The following LRIG2 variants were observed in gnomAD, a reference collection of about 807,000 sequenced individuals.
LRIG2 encodes the protein leucine-rich repeats and immunoglobulin-like domains protein 2.
In LRIG2, 93 loss-of-function variants were observed where a neutral mutation model predicts 107.8. The ratio of observed to expected loss-of-function variants is 0.86; its 90% confidence interval spans 0.73 to 1.03. The LOEUF is 1.03. LRIG2 is among the 50% of genes least tolerant of loss of function. The pLI is 0.00. For synonymous variants in LRIG2, 471 were observed against 470.6 expected (o/e 1.00, Z -0.01); for missense variants, 1,226 against 1,296.0 (o/e 0.95, Z 0.83).
chr1:113,084,654 G>T (rs1480498440), intron 1 of LRIG2, among the ~76,000 whole-genome samples: 2 of 151,990 alleles, frequency 1.3e-5, no homozygotes, highest in African/African-American at 2.4e-5. Flanking sequence ...AGTAATCAAA[G>T]GATTACTTGT....
In LRIG2 at chr1:113,094,743, A is replaced by G; in HGVS notation, c.791A>G (p.Asn264Ser). ...GATGGAGCATTTTTTGGCTTGAATA[A>G]CATGGAAGAACTGTAAGTACTCGGG... is the stretch of plus-strand genomic sequence containing the variant. ...LKDGAFFGLN[N>S]MEELELEHNN... is the part of the protein sequence containing the mutation. Residue 264 changes from asparagine to serine, a missense_variant, in exon 6 of 18, where the codon AAC becomes AGC. Around this residue, in one of 3 missense-constraint regions of LRIG2, gnomAD observed 570 missense variants for 550.2 expected, o/e 1.04. Coordinates refer to ENST00000361127, the MANE Select transcript of LRIG2 (RefSeq NM_014813.3). 6.2e-7 allele frequency: 1 copy of G among 1,613,744 alleles called. No individual in the cohort carries two copies. The highest frequency in any genetic ancestry group is 8.5e-7 in the Non-Finnish European group (1 of 1,179,842).
chr1:113,101,396 A>G (rs1004113234), intron 11 of LRIG2, among the ~76,000 whole-genome samples: 1 of 152,128 alleles, frequency 6.6e-6, no homozygotes, highest in Admixed American at 6.6e-5. Flanking sequence ...TATTGATTCA[A>G]ATATGCAGTC....
Position 113,094,761 on chromosome 1 carries a change from TAC to T in LRIG2, c.803+7_803+8del. 5 of 1,613,104 alleles carry T rather than the reference TAC, an allele frequency of 3.1e-6. No individual in the cohort carries two copies. Among genetic ancestry groups the T allele is most frequent in the Non-Finnish European group, 3.4e-6 (4 of 1,179,408 alleles). On this transcript the variant is annotated splice_region_variant and intron_variant, in intron 6 of 17. Transcript: ENST00000361127. ...TTGAATAACATGGAAGAACTGTAAG[TAC>T]TCGGGACTAGAGGTGATTATTAGGA...
intron 13 of LRIG2, among the ~76,000 whole-genome samples, chr1:113,110,888 T>A (rs1445627424): frequency 1.3e-5 from 2 of 152,214 alleles, no homozygotes; most frequent in African/African-American, 4.8e-5. Flanking sequence ...TTGATAACTA[T>A]GAAATTTATT....
chr1:113,125,234 ACT>A lies in LRIG2; in HGVS notation c.*1134_*1135del, dbSNP rs1655439509. 6.6e-6 allele frequency: 1 copy of A among 152,220 alleles called. No individual in the cohort carries two copies. The highest frequency in any genetic ancestry group is 2.4e-5 in the African/African-American group (1 of 41,456). 9.4% of individuals were successfully genotyped at this position (152,220 alleles called of 1,614,324 possible). On this transcript the variant is annotated 3_prime_UTR_variant, in exon 18 of 18. Transcript: ENST00000361127. ...AAGAAGTGTATCTATAGAGGCAGCT[ACT>A]TAGTGATTGTATACACATAAACACA...
At chr1:113,083,274 T>C (rs1325004294) in intron 1 of LRIG2, among the ~76,000 whole-genome samples, 1 of 143,526 alleles carries the variant, frequency 7.0e-6, no homozygotes, top group Admixed American at 7.1e-5. Flanking sequence ...TCCTGAACTC[T>C]AGTAATCTGC....
chr1:113,120,537 G>T (rs1214250806), intron 17 of LRIG2, among the ~76,000 whole-genome samples: 4 of 149,302 alleles, frequency 2.7e-5, no homozygotes, highest in Non-Finnish European at 4.5e-5. Context: ...GGAAATGGAG[G>T]TTCGCTCTTG....
chr1:113,074,866 G>A (rs1439448933), intron 1 of LRIG2, among the ~76,000 whole-genome samples: 3 of 126,878 alleles, frequency 2.4e-5, no homozygotes, highest in African/African-American at 8.7e-5. Flanking sequence ...CTGAGATCAC[G>A]CCACTGCACT....
At chr1:113,117,193 A>G (rs1050178848) in intron 16 of LRIG2, among the ~76,000 whole-genome samples, 1 of 152,186 alleles carries the variant, frequency 6.6e-6, no homozygotes, top group Non-Finnish European at 1.5e-5. Flanking sequence ...GGACAGAAGA[A>G]TTGGGTTTAA....
At chr1:113,111,475 C>G (rs1298200292) in intron 13 of LRIG2, among the ~76,000 whole-genome samples, 2 of 152,154 alleles carry the variant, frequency 1.3e-5, no homozygotes, top group Non-Finnish European at 2.9e-5. Context: ...CTAGCCCCCG[C>G]TCACCCTCTC....
At position 113,095,746 on chromosome 1, in the gene LRIG2, T is replaced by C. The variant is rs1232353598; in HGVS notation, c.804-128T>C. 12 of 803,590 alleles carry C rather than the reference T, an allele frequency of 1.5e-5. No individual in the cohort carries two copies. In the East Asian group the frequency reaches 2.9e-4, roughly 20 times the overall value. 49.8% of individuals were successfully genotyped at this position (803,590 alleles called of 1,614,324 possible). A position where few individuals can be genotyped will look rare whatever the true frequency, so the allele number is the denominator to read the frequency against. ...AAATAAGATATTCATTTTTATTGAA[T>C]AGAATTGGTCAGCTCAGTTGGGTTG... On this transcript the variant is annotated intron_variant, in intron 6 of 17. Transcript: ENST00000361127.
chr1:113,092,094 A>G (rs1217540716), intron 2 of LRIG2, among the ~76,000 whole-genome samples: 1 of 152,232 alleles, frequency 6.6e-6, no homozygotes, highest in Non-Finnish European at 1.5e-5. Context: ...ACTGCTTCTA[A>G]TACGTTGTGG....
intron 13 of LRIG2, among the ~76,000 whole-genome samples, chr1:113,112,035 TC>T (rs1654792919): frequency 6.6e-6 from 1 of 152,190 alleles, no homozygotes; most frequent in South Asian, 2.1e-4. Flanking sequence ...TTTCCCTAGT[TC>T]CAGCTGATGA....
intron 8 of LRIG2, among the ~76,000 whole-genome samples, chr1:113,097,794 GTTGAATGGTTTCTA>G (rs1654130091): frequency 6.6e-6 from 1 of 152,192 alleles, no homozygotes; most frequent in South Asian, 2.1e-4. Flanking sequence ...TTCTTAATTT[GTTGAATGGTTTCTA>G]TTTATGCTGT....
chr1:113,073,693 C>T (rs749196779), intron 1 of LRIG2, 48 bp downstream of exon 1: 8 of 1,549,528 alleles, frequency 5.2e-6, no homozygotes, highest in East Asian at 4.5e-5. Flanking sequence ...GGGAGCCTTC[C>T]CTCTACAGGG....
At chr1:113,084,035 TAATAA>T (rs879278720) in intron 1 of LRIG2, among the ~76,000 whole-genome samples, 1,732 of 141,742 alleles carry the variant, frequency 0.012, 20 homozygotes, top group Non-Finnish European at 0.016. Context: ...ATAATAATAA[TAATAA>T]TATTGGCCTT....
rs1016717660 is a variant in LRIG2 at position 113,100,480 on chromosome 1, A to G, written c.1305A>G (p.Leu435=). The stretch of plus-strand genomic sequence containing the variant: ...AAAATGCTTTTTCTCAGACTCATTT[A>G]AAAGAACTGTAAGTAACTTGTCTTT... The part of the protein sequence containing the change: ...IQENAFSQTH[L]KELILNTSSL... Residue 435 remains leucine (L), a synonymous_variant, in exon 11 of 18, where the codon TTA becomes TTG. Transcript: ENST00000361127. 7.3e-6 allele frequency: 11 copies of G among 1,498,584 alleles called. No individual in the cohort carries two copies. Among genetic ancestry groups the G allele is most frequent in the Admixed American group, 3.5e-5 (2 of 57,618 alleles). 92.8% of individuals were successfully genotyped at this position (1,498,584 alleles called of 1,614,324 possible).
rs1407800289 is a variant in LRIG2, at chr1:113,095,940, G to A, written c.870G>A (p.Gln290=). ...GGTTGTATGGCTTGCGAATGTTACAGCAGCTCTATGTGAGCCAGAATGCTA... is the reference window on the plus strand; with the variant it reads ...GGTTGTATGGCTTGCGAATGTTACAACAGCTCTATGTGAGCCAGAATGCTA... The part of the protein sequence containing the change: ...KGWLYGLRML[Q]QLYVSQNAIE... The change falls in exon 7 of 18, where the codon CAG becomes CAA. Residue 290 remains glutamine (Q), a synonymous_variant. Coordinates refer to ENST00000361127, the MANE Select transcript of LRIG2 (RefSeq NM_014813.3). 6.2e-7 allele frequency: 1 copy of A among 1,614,160 alleles called. No individual in the cohort carries two copies. The highest frequency in any genetic ancestry group is 8.5e-7 in the Non-Finnish European group (1 of 1,180,004).
At chr1:113,080,922 C>T (rs1179165726) in intron 1 of LRIG2, among the ~76,000 whole-genome samples, 2 of 144,076 alleles carry the variant, frequency 1.4e-5, no homozygotes, top group African/African-American at 5.3e-5. Context: ...TGGCTCACTG[C>T]AACCTGTGCT....
Sources: allele counts gnomAD v4.1 joint callset (sites outside exome capture counted in the v4.1 genomes callset), GRCh38; gene constraint gnomAD v4.1.1; regional missense constraint gnomAD v4.1.1; transcripts MANE v1.5; gene names NCBI Gene and HGNC (gene_info 2026-07-23, HGNC 2026-07-21).